The following FMN1 variants were observed in gnomAD, a reference collection of about 807,000 sequenced individuals.
The protein encoded by FMN1 is formin 1.
In FMN1, 110 loss-of-function variants were observed where a neutral mutation model predicts 132.4. The ratio of observed to expected loss-of-function variants is 0.83; its 90% CI spans 0.71 to 0.97. FMN1 has a LOEUF of 0.97. Ranked by LOEUF, FMN1 falls within the 50% of genes least tolerant of loss-of-function variation. The pLI is 0.00. For missense variants in FMN1, 1,792 were observed against 1,705.3 expected, an observed-to-expected ratio of 1.05 and a Z score of -0.90; for synonymous variants, 722 against 651.7, an observed-to-expected ratio of 1.11 and a Z score of -1.64.
At chr15:32,937,428 G>A (rs886476528) in intron 9 of FMN1, among the ~76,000 whole-genome samples, 2 of 152,148 alleles carry the variant, frequency 1.3e-5, no homozygotes, top group African/African-American at 4.8e-5. Flanking sequence ...GCTCACCTGG[G>A]GTTTAGGAGC....
chr15:32,898,342 A>G (rs897368054), intron 15 of FMN1, among the ~76,000 whole-genome samples: 3 of 152,238 alleles, frequency 2.0e-5, no homozygotes, highest in Admixed American at 2.0e-4. Context: ...GCTCAGATGG[A>G]CTCACACAGA....
At position 33,077,793 on chromosome 15, in the gene FMN1, C is replaced by CAA. The variant is rs796706510; in HGVS notation, c.2043+11004_2043+11005dup. On this transcript the variant is annotated intron_variant, in intron 5 of 20. Coordinates refer to ENST00000616417, the MANE Select transcript of FMN1 (RefSeq NM_001277313.2). ...TCTACAAAGAACTCAAACAAATTTA[C>CAA]AAAAAAAAAAAAAAACATCAAAAAG... Among the ~76,000 whole-genome samples the CAA allele has an allele frequency of 9.7e-3, 1,118 of 115,040 alleles. 14 individuals carry two copies. Among genetic ancestry groups the CAA allele is most frequent in the African/African-American group, 0.026 (700 of 27,380 alleles). 75.5% of individuals were successfully genotyped at this position (115,040 alleles called of 152,430 possible). A position where few individuals can be genotyped will look rare whatever the true frequency, so the allele number is the denominator to read the frequency against.
At chr15:33,033,059 C>T (rs1283668627) in intron 6 of FMN1, among the ~76,000 whole-genome samples, 1 of 152,120 alleles carries the variant, frequency 6.6e-6, no homozygotes, top group East Asian at 1.9e-4. Flanking sequence ...TAAATGGAGT[C>T]TCGCTCTGTC....
intron 17 of FMN1, among the ~76,000 whole-genome samples, chr15:32,836,081 G>A (rs950722159): frequency 6.6e-6 from 1 of 151,902 alleles, no homozygotes; most frequent in Admixed American, 6.6e-5. Context: ...GGCTCGTCTT[G>A]AACTCCTGGC....
chr15:32,918,008 T>C (rs1040171235), intron 10 of FMN1, among the ~76,000 whole-genome samples: 21 of 152,136 alleles, frequency 1.4e-4, no homozygotes, highest in African/African-American at 4.6e-4. Flanking sequence ...TTGCAACATA[T>C]GCAATGAAAT....
intron 7 of FMN1, among the ~76,000 whole-genome samples, chr15:32,971,276 A>G (rs1262733524): frequency 6.6e-6 from 1 of 152,252 alleles, no homozygotes; most frequent in Admixed American, 6.5e-5. Context: ...TAGCAGAGCA[A>G]GAGACTAACA....
intron 5 of FMN1, among the ~76,000 whole-genome samples, chr15:33,084,363 G>A (rs2038607775): frequency 6.6e-6 from 1 of 152,158 alleles, no homozygotes; most frequent in South Asian, 2.1e-4. Context: ...CCGAAGAGGG[G>A]GTCATAGGAA....
chr15:33,128,799 T>G (rs559409706), intron 4 of FMN1, among the ~76,000 whole-genome samples: 1 of 152,328 alleles, frequency 6.6e-6, no homozygotes, highest in African/African-American at 2.4e-5. Flanking sequence ...AGCAGCAAGA[T>G]TTACTGTCAC....
intron 7 of FMN1, among the ~76,000 whole-genome samples, chr15:32,992,788 TA>T: frequency 6.6e-6 from 1 of 152,312 alleles, no homozygotes; most frequent in East Asian, 1.9e-4. Context: ...AAATCTATGT[TA>T]TAAAGACCAT....
chr15:32,831,744 CTTTTTTT>C (rs200268378), intron 17 of FMN1, among the ~76,000 whole-genome samples: 4 of 141,246 alleles, frequency 2.8e-5, no homozygotes, highest in Non-Finnish European at 6.2e-5. Flanking sequence ...AGAATGCAGC[CTTTTTTT>C]TTTTTTTTCT....
intron 4 of FMN1, among the ~76,000 whole-genome samples, chr15:33,118,332 TG>T (rs1237949118): frequency 6.6e-6 from 1 of 152,156 alleles, no homozygotes; most frequent in Non-Finnish European, 1.5e-5. Flanking sequence ...TTGGAACAGT[TG>T]ATGATTGTCC....
Position 32,886,545 on chromosome 15 carries a change from C to T in FMN1, c.3835+1627G>A, listed in dbSNP as rs143357196. On this transcript the variant is annotated intron_variant, in intron 16 of 20. Coordinates refer to ENST00000616417, the MANE Select transcript of FMN1 (RefSeq NM_001277313.2). ...TCTCTGCTCGCCTCCCAGTTCACTC[C>T]TCTTATCCTCTTGCTATTTATCATC... is the stretch of plus-strand genomic sequence containing the variant. 3.9e-5 allele frequency among the ~76,000 whole-genome samples: 6 copies of T among 152,306 alleles called. No individual in the cohort carries two copies. The East Asian group carries it at 1.2e-3, about 29-fold the overall frequency.
Position 32,774,317 on chromosome 15 carries a change from G to A in FMN1, c.4253C>T (p.Thr1418Ile). 1 of 1,604,250 alleles carries A rather than the reference G, an allele frequency of 6.2e-7. No homozygotes were observed. Among genetic ancestry groups the A allele is most frequent in the Non-Finnish European group, 8.5e-7 (1 of 1,174,766 alleles). ...TTTCCATGTGTCTTCATCTTAGTTA[G>A]TGGTCACACTGGCTTCCTTCTGACG... ...RLRQKEASVT[T>I]N is the part of the protein sequence containing the mutation. Residue 1418 changes from threonine to isoleucine, a missense_variant, in exon 21 of 21, where the codon ACT (threonine) becomes ATT (isoleucine). Coordinates refer to ENST00000616417, the MANE Select transcript of FMN1 (RefSeq NM_001277313.2).
intron 7 of FMN1, among the ~76,000 whole-genome samples, chr15:32,988,800 C>G (rs182986326): frequency 7.4e-4 from 112 of 152,186 alleles, no homozygotes; most frequent in African/African-American, 2.6e-3. Flanking sequence ...AACCATTAAG[C>G]TAGATTCTAA....
chr15:33,160,120 T>C (rs956382273), intron 3 of FMN1, among the ~76,000 whole-genome samples: 1 of 152,122 alleles, frequency 6.6e-6, no homozygotes, highest in Non-Finnish European at 1.5e-5. Flanking sequence ...TGTTCATGGA[T>C]ACCTGAATTA....
intron 3 of FMN1, among the ~76,000 whole-genome samples, chr15:33,175,498 T>G (rs921388205): frequency 6.6e-6 from 1 of 152,222 alleles, no homozygotes; most frequent in Non-Finnish European, 1.5e-5. Flanking sequence ...TTTTCTTCTT[T>G]CACTACCTCT....
intron 6 of FMN1, among the ~76,000 whole-genome samples, chr15:33,018,965 G>A (rs896940438): frequency 2.6e-5 from 4 of 152,112 alleles, no homozygotes; most frequent in African/African-American, 9.7e-5. Flanking sequence ...AGACAATGTG[G>A]GCCCAAAGGA....
chr15:33,106,866 T>C (rs1292393203), intron 4 of FMN1, among the ~76,000 whole-genome samples: 2 of 152,048 alleles, frequency 1.3e-5, no homozygotes, highest in South Asian at 2.1e-4. Context: ...CCCAAAGATA[T>C]GTGCAGAATC....
chr15:33,124,602 A>G (rs1162040825), intron 4 of FMN1, among the ~76,000 whole-genome samples: 2 of 152,090 alleles, frequency 1.3e-5, no homozygotes, highest in Non-Finnish European at 2.9e-5. Context: ...GCATATACAA[A>G]TATTGCATTA....
Sources: allele counts gnomAD v4.1 joint callset (sites outside exome capture counted in the v4.1 genomes callset), GRCh38; gene constraint gnomAD v4.1.1; transcripts MANE v1.5; gene names NCBI Gene and HGNC (gene_info 2026-07-23, HGNC 2026-07-21).